The following PTPRG variants were observed in gnomAD, a reference collection of about 807,000 sequenced individuals.
PTPRG encodes the protein receptor-type tyrosine-protein phosphatase gamma.
PTPRG carries 102 observed loss-of-function variants against 165.3 expected under a neutral mutation model. That is an observed-to-expected ratio of 0.62 (90% CI 0.53 to 0.73). The LOEUF (loss-of-function observed/expected upper bound fraction) is 0.73, where lower values mean the gene tolerates loss of function less well. PTPRG is among the 30% of genes least tolerant of loss of function. The probability of loss-of-function intolerance (pLI) is 0.00; values close to 1 mark genes in which losing one functional copy is unlikely to be tolerated. For synonymous variants in PTPRG, 675 were observed against 669.5 expected (o/e 1.01, Z -0.13); for missense variants, 1,866 against 1,861.4 (o/e 1.00, Z -0.05).
intron 1 of PTPRG, among the ~76,000 whole-genome samples, chr3:61,733,949 CACCAT>C (rs2032621370): frequency 6.6e-6 from 1 of 152,182 alleles, no homozygotes; most frequent in Non-Finnish European, 1.5e-5. Context: ...AGGTGCATAT[CACCAT>C]ACCTGGCTAA....
intron 1 of PTPRG, among the ~76,000 whole-genome samples, chr3:61,637,164 A>G (rs1701933104): frequency 6.6e-6 from 1 of 152,154 alleles, no homozygotes; most frequent in African/African-American, 2.4e-5. Context: ...AATTCTAAAA[A>G]TCCTTATGTT....
chr3:62,124,279 G>A (rs2106902106), intron 5 of PTPRG: 1 of 1,536,570 alleles, frequency 6.5e-7, no homozygotes, highest in South Asian at 1.1e-5. Context: ...ACAGGATGCT[G>A]ATGTCCGTGT....
In PTPRG at chr3:62,203,714, C is replaced by CT; in HGVS notation, c.1920dup (p.Ile641TyrfsTer5). The CT allele has an allele frequency of 6.3e-7, 1 of 1,586,038 alleles. No homozygotes were observed. Among genetic ancestry groups the CT allele is most frequent in the Non-Finnish European group, 8.6e-7 (1 of 1,165,580 alleles). Reference sequence around the variant, plus strand: ...AGGACTGCCGAGGGAGGGCATCAGACTATACCTGGGCATGAGCAGGATCAC... The same window carrying CT: ...AGGACTGCCGAGGGAGGGCATCAGACTTATACCTGGGCATGAGCAGGATCAC... On this transcript the variant is annotated frameshift_variant, in exon 12 of 30. Coordinates refer to ENST00000474889, the MANE Select transcript of PTPRG (RefSeq NM_002841.4). LOFTEE classifies it high-confidence loss of function. This position sits in a 1 kb window ranked among gnomAD's most constrained non-coding sequence, Gnocchi z 6.4.
At chr3:62,118,175 T>C (rs1006779901) in intron 5 of PTPRG, 1 of 152,228 alleles carries the variant, frequency 6.6e-6, no homozygotes, top group African/African-American at 2.4e-5. Context: ...TGGCAAACTT[T>C]TTCTATAAAG....
intron 3 of PTPRG, among the ~76,000 whole-genome samples, chr3:61,992,249 A>AT (rs11369396): frequency 0.53 from 79,227 of 150,162 alleles, 21,217 homozygotes; most frequent in African/African-American, 0.65. Flanking sequence ...GCATTTTTGC[A>AT]TTTTTTTTTT....
intron 1 of PTPRG, among the ~76,000 whole-genome samples, chr3:61,603,273 G>T (rs1700915436): frequency 6.6e-6 from 1 of 152,184 alleles, no homozygotes; most frequent in Non-Finnish European, 1.5e-5. Context: ...TGGAGGTGGG[G>T]CCTGGTGGGA....
intron 2 of PTPRG, among the ~76,000 whole-genome samples, chr3:61,911,718 T>G (rs1231543822): frequency 4.6e-5 from 7 of 152,180 alleles, no homozygotes; most frequent in Admixed American, 4.6e-4. Context: ...TGGTATAAAT[T>G]AATTTCTTTT....
intron 2 of PTPRG, among the ~76,000 whole-genome samples, chr3:61,874,353 G>C (rs2037665598): frequency 6.6e-6 from 1 of 152,162 alleles, no homozygotes. Context: ...AATTTATCTA[G>C]CCAATGCAAA....
At chr3:61,995,584 G>T (rs948934519) in intron 3 of PTPRG, among the ~76,000 whole-genome samples, 4 of 151,826 alleles carry the variant, frequency 2.6e-5, no homozygotes, top group African/African-American at 9.7e-5. Flanking sequence ...TGTGTGAGGG[G>T]GGTGTGGGTG....
chr3:62,105,991 A>AT (rs553778695), intron 5 of PTPRG, among the ~76,000 whole-genome samples: 14 of 152,168 alleles, frequency 9.2e-5, no homozygotes, highest in South Asian at 4.1e-4. Flanking sequence ...ACATTTAGAG[A>AT]TTTTTTCTGC....
At chr3:62,102,709 C>G (rs1702334346) in intron 5 of PTPRG, among the ~76,000 whole-genome samples, 1 of 152,010 alleles carries the variant, frequency 6.6e-6, no homozygotes, top group Non-Finnish European at 1.5e-5. Flanking sequence ...TGCCGGTGAC[C>G]CCTGGAGAGG....
At chr3:62,108,040 C>G (rs1002050220) in intron 5 of PTPRG, among the ~76,000 whole-genome samples, 5 of 150,004 alleles carry the variant, frequency 3.3e-5, no homozygotes, top group African/African-American at 1.2e-4. Context: ...ACATTTCTCT[C>G]TCGCTCTTTT....
chr3:62,033,355 C>T (rs1699831866), intron 4 of PTPRG, among the ~76,000 whole-genome samples: 1 of 142,574 alleles, frequency 7.0e-6, no homozygotes, highest in Non-Finnish European at 1.5e-5. Flanking sequence ...CAACTGCTCC[C>T]TATACATTTT....
intron 8 of PTPRG, among the ~76,000 whole-genome samples, chr3:62,174,744 A>G (rs2106755120): frequency 6.6e-6 from 1 of 152,342 alleles, no homozygotes; most frequent in South Asian, 2.1e-4. Context: ...TCTACTCACC[A>G]GATTAATGAG....
intron 1 of PTPRG, among the ~76,000 whole-genome samples, chr3:61,707,040 A>C (rs1645994236): frequency 6.6e-6 from 1 of 152,156 alleles, no homozygotes. Context: ...ATCTCTTAGA[A>C]GTCTATACAG....
chr3:61,861,092 G>T (rs1369661536), intron 2 of PTPRG, among the ~76,000 whole-genome samples: 1 of 151,624 alleles, frequency 6.6e-6, no homozygotes, highest in Non-Finnish European at 1.5e-5. Context: ...TTAATTGTCT[G>T]GTTTTCTGGA....
At chr3:61,859,659 G>A (rs935158356) in intron 2 of PTPRG, among the ~76,000 whole-genome samples, 1 of 151,832 alleles carries the variant, frequency 6.6e-6, no homozygotes, top group African/African-American at 2.4e-5. Context: ...TATGAGCAAG[G>A]AACTTGAGTT....
At chr3:61,866,178 G>A (rs1264515276) in intron 2 of PTPRG, among the ~76,000 whole-genome samples, 1 of 152,158 alleles carries the variant, frequency 6.6e-6, no homozygotes, top group Non-Finnish European at 1.5e-5. Flanking sequence ...ACATTGATCT[G>A]TTCACTCTTC....
intron 15 of PTPRG, among the ~76,000 whole-genome samples, chr3:62,253,502 C>T (rs1321018256): frequency 6.6e-6 from 1 of 152,194 alleles, no homozygotes; most frequent in African/African-American, 2.4e-5. Context: ...CATTTAGAGA[C>T]TCTCCAGCTT....
Sources: allele counts gnomAD v4.1 joint callset (sites outside exome capture counted in the v4.1 genomes callset), GRCh38; gene constraint gnomAD v4.1.1; non-coding constraint Gnocchi (gnomAD v3.1); transcripts MANE v1.5; gene names NCBI Gene and HGNC (gene_info 2026-07-23, HGNC 2026-07-21).